Variants in TTC4 observed in about 807,000 individuals in gnomAD.
TTC4 encodes the protein tetratricopeptide repeat domain 4.
Under a neutral mutation model 51.9 loss-of-function variants are expected in TTC4, and 36 were observed. The ratio of observed to expected loss-of-function variants is 0.69; its 90% CI spans 0.53 to 0.92. The LOEUF (loss-of-function observed/expected upper bound fraction) is 0.92, where lower values mean the gene tolerates loss of function less well. Ranked by LOEUF, TTC4 falls within the 40% of genes least tolerant of loss-of-function variation. The pLI is 0.00. For synonymous variants in TTC4, 144 were observed against 164.2 expected, an observed-to-expected ratio of 0.88 and a Z score of 0.94; for missense variants, 399 against 454.6, an observed-to-expected ratio of 0.88 and a Z score of 1.11.
chr1:54,737,630 A>G lies in TTC4; in HGVS notation c.1027A>G (p.Lys343Glu), dbSNP rs1339863064. 6.2e-7 allele frequency: 1 copy of G among 1,613,334 alleles called. No homozygotes were observed. Among genetic ancestry groups the G allele is most frequent in the South Asian group, 1.1e-5 (1 of 91,028 alleles). ...GGCAGAACTATACCGGGTGCCTGCC[A>G]AGAGCACCTTGCTACAGGTTCTACA... is the stretch of plus-strand genomic sequence containing the variant. The part of the protein sequence containing the change: ...DRAELYRVPA[K>E]STLLQVLQHQ... Residue 343 changes from lysine (K) to glutamate (E), a missense_variant, in exon 9 of 10, where the codon AAG becomes GAG. Lys to Glu is a moderately conservative substitution (Grantham distance 56, BLOSUM62 1). Coordinates refer to ENST00000371281, the MANE Select transcript of TTC4 (RefSeq NM_004623.5).
intron 5 of TTC4, among the ~76,000 whole-genome samples, chr1:54,727,074 A>G (rs12068302): frequency 0.12 from 17,986 of 151,630 alleles, 1,775 homozygotes; most frequent in African/African-American, 0.26. Context: ...AAAAAAAACA[A>G]AATTGGAAGA....
chr1:54,741,539 C>G lies in TTC4; in HGVS notation c.*26C>G, dbSNP rs764887122. The G allele has an allele frequency of 5.6e-5, 89 of 1,577,980 alleles. No individual in the cohort carries two copies. The highest frequency in any genetic ancestry group is 7.4e-5 in the Non-Finnish European group (85 of 1,147,410). On this transcript the variant is annotated 3_prime_UTR_variant, in exon 10 of 10. Coordinates refer to ENST00000371281, the MANE Select transcript of TTC4 (RefSeq NM_004623.5). Reference sequence around the variant, plus strand: ...CTAAGCCAGGGCCCCTGGATCTCCTCCCTTACCCTCCTCTGCTGGGAACCT... The same window carrying G: ...CTAAGCCAGGGCCCCTGGATCTCCTGCCTTACCCTCCTCTGCTGGGAACCT...
At chr1:54,723,406 G>A (rs180817419) in intron 5 of TTC4, among the ~76,000 whole-genome samples, 5 of 152,272 alleles carry the variant, frequency 3.3e-5, no homozygotes, top group Admixed American at 6.5e-5. Context: ...ACAATGTCAC[G>A]TGTTCAGGGC....
At chr1:54,733,446 T>C (rs1645894656) in intron 7 of TTC4, among the ~76,000 whole-genome samples, 183 bp from the exon 8 acceptor site, 1 of 151,220 alleles carries the variant, frequency 6.6e-6, no homozygotes, top group Non-Finnish European at 1.5e-5. Context: ...TAAAATAAAA[T>C]AAAATTATGT....
intron 8 of TTC4, 44 bp from the exon 9 acceptor site, chr1:54,737,538 C>G: frequency 6.3e-7 from 1 of 1,588,366 alleles, no homozygotes; most frequent in Non-Finnish European, 8.6e-7. Flanking sequence ...CTAAGGCTGC[C>G]GAAGCCTTTA....
intron 9 of TTC4, among the ~76,000 whole-genome samples, chr1:54,741,016 T>A (rs1398092313): frequency 6.6e-6 from 1 of 152,222 alleles, no homozygotes; most frequent in Non-Finnish European, 1.5e-5. Context: ...TGTCATTAAT[T>A]GGTTCCTCAT....
chr1:54,731,911 C>T (rs930531633), intron 7 of TTC4, among the ~76,000 whole-genome samples: 1 of 152,160 alleles, frequency 6.6e-6, no homozygotes, highest in Non-Finnish European at 1.5e-5. Flanking sequence ...CATCGTCATA[C>T]TAACTGGGCT....
At chr1:54,733,757 T>A (rs765556654) in intron 8 of TTC4, 47 bp downstream of exon 8, 91 of 783,690 alleles carry the variant, frequency 1.2e-4, no homozygotes, top group South Asian at 5.4e-4. Flanking sequence ...ATTTTTTTTT[T>A]TTTTTTTTTT....
At chr1:54,720,023 C>T (rs1193140578) in intron 3 of TTC4, among the ~76,000 whole-genome samples, 2 of 151,786 alleles carry the variant, frequency 1.3e-5, no homozygotes, top group South Asian at 2.1e-4. Flanking sequence ...TTCTGCCTCC[C>T]GAGTAGGTAG....
chr1:54,722,363 G>A (rs1327862899), intron 4 of TTC4, among the ~76,000 whole-genome samples: 1 of 152,096 alleles, frequency 6.6e-6, no homozygotes, highest in Non-Finnish European at 1.5e-5. Context: ...GGTCTAGCTG[G>A]TAAATGACAC....
Position 54,731,662 on chromosome 1 carries a change from C to G in TTC4, c.858C>G (p.Ala286=), listed in dbSNP as rs553910030. The G allele has an allele frequency of 8.1e-6, 13 of 1,614,088 alleles. No homozygotes were observed. In the South Asian group the frequency reaches 1.4e-4, roughly 18 times the overall value. ...TGCTCTTTCTGTACCCAGAGTATGC[C>G]CAGTCGGACTTCATCTCTGCTTTTC... is the stretch of plus-strand genomic sequence containing the variant. ...WPVLFLYPEY[A]QSDFISAFHE... The change falls in exon 7 of 10, where the codon GCC becomes GCG. Residue 286 remains alanine, a synonymous_variant. Coordinates refer to ENST00000371281, the MANE Select transcript of TTC4 (RefSeq NM_004623.5).
chr1:54,740,731 C>T (rs1446962795), intron 9 of TTC4, among the ~76,000 whole-genome samples: 1 of 152,122 alleles, frequency 6.6e-6, no homozygotes, highest in African/African-American at 2.4e-5. Flanking sequence ...CTGAGTAATA[C>T]AACACCCCTA....
intron 6 of TTC4, among the ~76,000 whole-genome samples, chr1:54,729,679 T>C (rs1006868993): frequency 1.3e-5 from 2 of 152,150 alleles, no homozygotes; most frequent in African/African-American, 4.8e-5. Flanking sequence ...TTTGAGATTG[T>C]TTGGTCTTAA....
At chr1:54,727,147 G>T (rs1477721039) in intron 5 of TTC4, among the ~76,000 whole-genome samples, 1 of 151,936 alleles carries the variant, frequency 6.6e-6, no homozygotes, top group Non-Finnish European at 1.5e-5. Context: ...TGTGGTACTG[G>T]CATAACAATA....
chr1:54,733,747 ATTTT>A (rs371403281), intron 8 of TTC4, 37 bp downstream of exon 8: 2,262 of 797,886 alleles, frequency 2.8e-3, no homozygotes, highest in Middle Eastern at 4.2e-3. Flanking sequence ...TATGGAATTA[ATTTT>A]TTTTTTTTTT....
rs916100647 is a variant in TTC4 at position 54,733,570 on chromosome 1, G to A, written c.897-59G>A. 45 of 1,363,902 alleles carry A rather than the reference G, an allele frequency of 3.3e-5. 1 individual carries two copies. The South Asian group carries it at 4.4e-4, about 13-fold the overall frequency. The allele number at this position is 1,363,902 out of a possible 1,614,324, so 84.5% of individuals were successfully genotyped here. A position where few individuals can be genotyped will look rare whatever the true frequency, so the allele number is the denominator to read the frequency against. ...AACTTTGAATTAGTGTCTGGGGACCGATGTGGGAAAATAGATCATGAGTTA... is the reference window on the plus strand; with the variant it reads ...AACTTTGAATTAGTGTCTGGGGACCAATGTGGGAAAATAGATCATGAGTTA... On this transcript the variant is annotated intron_variant, in intron 7 of 9. Transcript: ENST00000371281.
intron 9 of TTC4, among the ~76,000 whole-genome samples, chr1:54,737,964 G>A (rs1645967471): frequency 6.6e-6 from 1 of 151,004 alleles, no homozygotes; most frequent in South Asian, 2.1e-4. Flanking sequence ...GCAATGGTGT[G>A]ATCTCGGCTC....
chr1:54,717,754 A>G, intron 3 of TTC4, 101 bp downstream of exon 3: 2 of 1,120,380 alleles, frequency 1.8e-6, no homozygotes, highest in Non-Finnish European at 2.4e-6. Flanking sequence ...CTGTTATCCC[A>G]GAAACCCAGA....
chr1:54,733,482 C>A, intron 7 of TTC4, 147 bp from the exon 8 acceptor site: 1 of 428,956 alleles, frequency 2.3e-6, no homozygotes, highest in South Asian at 7.1e-5. Flanking sequence ...GATACATATA[C>A]ACATTTGGGG....
Sources: allele counts gnomAD v4.1 joint callset (sites outside exome capture counted in the v4.1 genomes callset), GRCh38; gene constraint gnomAD v4.1.1; transcripts MANE v1.5; gene names NCBI Gene and HGNC (gene_info 2026-07-23, HGNC 2026-07-21).